Variants in PDCD1LG2 observed in about 807,000 individuals in gnomAD.
PDCD1LG2 encodes B7 dendritic cell molecule.
A neutral mutation model predicts 28.2 loss-of-function variants in PDCD1LG2; 32 were observed. The ratio of observed to expected loss-of-function variants is 1.13; its 90% CI spans 0.86 to 1.52. PDCD1LG2 has a LOEUF of 1.52. Ranked by LOEUF, PDCD1LG2 falls within the 40% of genes most tolerant of loss-of-function variation. The pLI is 0.00. For missense variants in PDCD1LG2, 385 were observed against 323.8 expected, an observed-to-expected ratio of 1.19 and a Z score of -1.45; for synonymous variants, 116 against 120.2, an observed-to-expected ratio of 0.97 and a Z score of 0.23.
At chr9:5,515,444 A>T (rs1448438122) in intron 1 of PDCD1LG2, among the ~76,000 whole-genome samples, 3 of 152,196 alleles carry the variant, frequency 2.0e-5, no homozygotes, top group East Asian at 3.8e-4. Context: ...GTCCAGAAAA[A>T]ATGAGGTATG....
intron 4 of PDCD1LG2, among the ~76,000 whole-genome samples, chr9:5,551,610 A>G (rs1816335244): frequency 6.6e-6 from 1 of 152,178 alleles, no homozygotes; most frequent in African/African-American, 2.4e-5. Context: ...TGGGCTAGAC[A>G]TGCATGTGGG....
chr9:5,537,704 G>A lies in PDCD1LG2; in HGVS notation c.361+2654G>A, dbSNP rs528291803. Among the ~76,000 whole-genome samples the A allele has an allele frequency of 1.7e-3, 258 of 152,276 alleles. 1 individual carries two copies. In the Middle Eastern group the frequency reaches 0.017, roughly 10 times the overall value. On this transcript the variant is annotated intron_variant, in intron 3 of 6. Transcript: ENST00000397747. The stretch of plus-strand genomic sequence containing the variant: ...TGAGAACACATGGACACAGGGAGGG[G>A]AACATCACACACTGGGGACTGTTGT...
At chr9:5,537,325 G>C (rs889724171) in intron 3 of PDCD1LG2, among the ~76,000 whole-genome samples, 1 of 152,092 alleles carries the variant, frequency 6.6e-6, no homozygotes, top group African/African-American at 2.4e-5. Flanking sequence ...CATGTCATAT[G>C]GTTCTTCGGA....
intron 2 of PDCD1LG2, among the ~76,000 whole-genome samples, chr9:5,533,037 G>A (rs1424617319): frequency 6.6e-6 from 1 of 152,156 alleles, no homozygotes; most frequent in Non-Finnish European, 1.5e-5. Flanking sequence ...TATATCCTAT[G>A]CTCTTCCGTA....
At chr9:5,511,243 G>A (rs1442218840) in intron 1 of PDCD1LG2, among the ~76,000 whole-genome samples, 2 of 152,112 alleles carry the variant, frequency 1.3e-5, no homozygotes, top group Non-Finnish European at 2.9e-5. Context: ...GGCAGCTGTT[G>A]GTGGAGGGGG....
In PDCD1LG2 at chr9:5,534,897, C is replaced by T. The variant is rs576049863; in HGVS notation, c.208C>T (p.Arg70Cys). 2.2e-5 allele frequency: 35 copies of T among 1,614,114 alleles called. No individual in the cohort carries two copies. The Admixed American group carries it at 2.8e-4, about 13-fold the overall frequency. The change falls in exon 3 of 7, where the codon CGT (arginine) becomes TGT (cysteine). Residue 70 changes from arginine (R) to cysteine (C), a missense_variant. Physicochemically the swap from Arg to Cys is radical, Grantham distance 180. Coordinates refer to ENST00000397747, the MANE Select transcript of PDCD1LG2 (RefSeq NM_025239.4). ...QKVENDTSPH[R>C]ERATLLEEQL... ...GGTGGAAAATGATACATCCCCACACCGTGAAAGAGCCACTTTGCTGGAGGA... is the reference window on the plus strand; with the variant it reads ...GGTGGAAAATGATACATCCCCACACTGTGAAAGAGCCACTTTGCTGGAGGA...
At chr9:5,555,948 G>A (rs1449625888) in intron 4 of PDCD1LG2, among the ~76,000 whole-genome samples, 1 of 152,188 alleles carries the variant, frequency 6.6e-6, no homozygotes, top group East Asian at 1.9e-4. Flanking sequence ...ATACCACAAG[G>A]TAACAAATGA....
chr9:5,560,393 G>A lies in PDCD1LG2; in HGVS notation c.766+2641G>A, dbSNP rs752812945. ...GTTTTGAGCAGTTGCTGTCTACTCC[G>A]GCCATGCAGAATCTCTGGTCCTTCC... is the stretch of plus-strand genomic sequence containing the variant. On this transcript the variant is annotated intron_variant, in intron 5 of 6. Coordinates refer to ENST00000397747, the MANE Select transcript of PDCD1LG2 (RefSeq NM_025239.4). 3.9e-5 allele frequency among the ~76,000 whole-genome samples: 6 copies of A among 152,260 alleles called. No homozygotes were observed. The East Asian group carries it at 5.8e-4, about 15-fold the overall frequency.
At position 5,534,969 on chromosome 9, in the gene PDCD1LG2, G is replaced by C. The variant is rs749519579; in HGVS notation, c.280G>C (p.Val94Leu). The change falls in exon 3 of 7, where the codon GTG becomes CTG. Residue 94 changes from valine to leucine, a missense_variant. Physicochemically the swap from Val to Leu is conservative, Grantham distance 32 (BLOSUM62 1). Transcript: ENST00000397747. ...CTCGTTCCACATACCTCAAGTCCAAGTGAGGGACGAAGGACAGTACCAATG... is the reference window on the plus strand; with the variant it reads ...CTCGTTCCACATACCTCAAGTCCAACTGAGGGACGAAGGACAGTACCAATG... ...KASFHIPQVQ[V>L]RDEGQYQCII... The C allele has an allele frequency of 3.7e-6, 6 of 1,614,176 alleles. No individual in the cohort carries two copies. Among genetic ancestry groups the C allele is most frequent in the East Asian group, 2.2e-5 (1 of 44,882 alleles).
chr9:5,535,764 C>T (rs1048701220), intron 3 of PDCD1LG2, among the ~76,000 whole-genome samples: 16 of 152,022 alleles, frequency 1.1e-4, no homozygotes, highest in African/African-American at 3.6e-4. Flanking sequence ...CAAGAGAGTC[C>T]CATGAAGTCT....
intron 2 of PDCD1LG2, 143 bp downstream of exon 2, chr9:5,522,744 A>G: frequency 1.5e-6 from 1 of 651,606 alleles, no homozygotes. Context: ...AGCACCACAA[A>G]AAAAAAAAGA....
intron 3 of PDCD1LG2, among the ~76,000 whole-genome samples, chr9:5,536,892 G>A (rs1271256447): frequency 6.6e-6 from 1 of 152,194 alleles, no homozygotes; most frequent in African/African-American, 2.4e-5. Context: ...GCCAGGCAAG[G>A]CTCTTGGGGT....
At chr9:5,538,509 C>G (rs1216363291) in intron 3 of PDCD1LG2, among the ~76,000 whole-genome samples, 1 of 151,538 alleles carries the variant, frequency 6.6e-6, no homozygotes, top group African/African-American at 2.4e-5. Flanking sequence ...CATGGTGAAA[C>G]CCTGTCTCTA....
chr9:5,528,271 A>G (rs1820416413), intron 2 of PDCD1LG2, among the ~76,000 whole-genome samples: 1 of 147,478 alleles, frequency 6.8e-6, no homozygotes, highest in Non-Finnish European at 1.5e-5. Flanking sequence ...TATTATATAT[A>G]TATTTTATAT....
chr9:5,512,028 CA>C (rs1377999821), intron 1 of PDCD1LG2, among the ~76,000 whole-genome samples: 1 of 152,080 alleles, frequency 6.6e-6, no homozygotes, highest in Admixed American at 6.5e-5. Context: ...GTGTAATGGA[CA>C]GGGGGAAGTT....
In PDCD1LG2 at chr9:5,563,171, A is replaced by C. The variant is rs1816599755; in HGVS notation, c.776A>C (p.Lys259Thr). Residue 259 changes from lysine (K) to threonine (T), a missense_variant, in exon 6 of 7, where the codon AAA (lysine) becomes ACA (threonine). Coordinates refer to ENST00000397747, the MANE Select transcript of PDCD1LG2 (RefSeq NM_025239.4). ...AATTTTTCCTTTTCAGACACAACAA[A>C]AAGACCTGTCACCACAACAAAGAGG... ...QKLYSSKDTTKRPVTTTKREV... is the reference protein window; with the variant it reads ...QKLYSSKDTTTRPVTTTKREV... The C allele has an allele frequency of 1.2e-6, 2 of 1,612,068 alleles. No homozygotes were observed. The highest frequency in any genetic ancestry group is 2.7e-5 in the African/African-American group (2 of 75,000).
intron 2 of PDCD1LG2, among the ~76,000 whole-genome samples, chr9:5,524,148 G>T (rs1820327742): frequency 6.6e-6 from 1 of 152,174 alleles, no homozygotes; most frequent in African/African-American, 2.4e-5. Context: ...TGATCATTTT[G>T]CAGGTGAGGG....
chr9:5,565,345 AT>A (rs1816643794), intron 6 of PDCD1LG2, among the ~76,000 whole-genome samples: 1 of 151,854 alleles, frequency 6.6e-6, no homozygotes, highest in Admixed American at 6.6e-5. Flanking sequence ...CCGTACCTGG[AT>A]TTTTTATTTT....
At chr9:5,541,274 T>C (rs1322145131) in intron 3 of PDCD1LG2, among the ~76,000 whole-genome samples, 2 of 152,296 alleles carry the variant, frequency 1.3e-5, no homozygotes, top group African/African-American at 2.4e-5. Flanking sequence ...TGGGGAAAAG[T>C]TGAAAGCATT....
Sources: gnomAD v4.1 joint callset for allele counts (sites outside exome capture counted in the v4.1 genomes callset) on GRCh38, gnomAD v4.1.1 for gene constraint, MANE v1.5 for transcripts, NCBI Gene and HGNC (gene_info 2026-07-23, HGNC 2026-07-21) for gene names.